The following MINAR2 variants were observed in gnomAD, a reference collection of about 807,000 sequenced individuals.
MINAR2 encodes the protein membrane integral NOTCH2 associated receptor 2.
MINAR2 carries 21 observed loss-of-function variants against 16.1 expected under a neutral mutation model. The observed-to-expected ratio is 1.31, with a 90% CI of 0.93 to 1.88. MINAR2 has a LOEUF of 1.88. Among genes scored for constraint, MINAR2 ranks in the 40% most tolerant of loss-of-function variants. The probability of loss-of-function intolerance (pLI) is 0.00; values close to 1 mark genes in which losing one functional copy is unlikely to be tolerated. For synonymous variants in MINAR2, 86 were observed against 83.0 expected (o/e 1.04, Z -0.20); for missense variants, 259 against 229.8 (o/e 1.13, Z -0.82).
chr5:129,762,590 T>A, intron 2 of MINAR2: 1 of 343,660 alleles, frequency 2.9e-6, no homozygotes, highest in South Asian at 3.1e-5. Flanking sequence ...ATCATCACCA[T>A]TGCCAGCAGC....
intron 1 of MINAR2, among the ~76,000 whole-genome samples, chr5:129,750,644 C>G (rs1324355585): frequency 6.6e-6 from 1 of 152,052 alleles, no homozygotes; most frequent in Non-Finnish European, 1.5e-5. Flanking sequence ...TATAAAAGAT[C>G]AAGAATATGT....
chr5:129,758,190 A>G (rs1758079776), intron 1 of MINAR2, among the ~76,000 whole-genome samples: 1 of 152,004 alleles, frequency 6.6e-6, no homozygotes, highest in Non-Finnish European at 1.5e-5. Context: ...GTGCCCAAGT[A>G]ATTAAAATAG....
intron 2 of MINAR2, among the ~76,000 whole-genome samples, chr5:129,764,487 T>C (rs1445282516): frequency 2.0e-5 from 3 of 152,164 alleles, no homozygotes; most frequent in Non-Finnish European, 4.4e-5. Flanking sequence ...GAATTTTCAT[T>C]TTATTTCAAC....
rs542965340 is a variant in MINAR2 at position 129,766,281 on chromosome 5, C to T, written c.*1218C>T. 1.3e-5 allele frequency: 2 copies of T among 152,302 alleles called. No individual in the cohort carries two copies. Among genetic ancestry groups the T allele is most frequent in the South Asian group, 2.1e-4 (1 of 4,822 alleles). The allele number at this position is 152,302 out of a possible 1,614,324, so 9.4% of individuals were successfully genotyped here. A position where few individuals can be genotyped will look rare whatever the true frequency, so the allele number is the denominator to read the frequency against. On this transcript the variant is annotated 3_prime_UTR_variant, in exon 3 of 3. Coordinates refer to ENST00000564719, the MANE Select transcript of MINAR2 (RefSeq NM_001257308.2). ...CATGAGCCTAAAGTCAGATTTTGTC[C>T]CTTGATATTGCCATATCATTTTGTT... is the stretch of plus-strand genomic sequence containing the variant.
intron 1 of MINAR2, among the ~76,000 whole-genome samples, chr5:129,757,413 T>C (rs1392532040): frequency 6.6e-6 from 1 of 152,054 alleles, no homozygotes; most frequent in African/African-American, 2.4e-5. Context: ...TCTAATTCTT[T>C]CTGAATCTTT....
Position 129,764,955 on chromosome 5 carries a change from G to A in MINAR2, c.465G>A (p.Lys155=). The A allele has an allele frequency of 7.1e-7, 1 of 1,405,508 alleles. No individual in the cohort carries two copies. Among genetic ancestry groups the A allele is most frequent in the Non-Finnish European group, 9.3e-7 (1 of 1,079,506 alleles). 87.1% of individuals were successfully genotyped at this position (1,405,508 alleles called of 1,614,324 possible). ...YTPGFDTLLK[K]EEKQEKHSKF... is the part of the protein sequence containing the mutation. ...CAGGTTTTGACACTTTATTGAAAAAGGAAGAGAAACAAGAGAAGCATTCAA... is the reference window on the plus strand; with the variant it reads ...CAGGTTTTGACACTTTATTGAAAAAAGAAGAGAAACAAGAGAAGCATTCAA... Residue 155 remains lysine (K), a synonymous_variant, in exon 3 of 3, where the codon AAG becomes AAA. Coordinates refer to ENST00000564719, the MANE Select transcript of MINAR2 (RefSeq NM_001257308.2).
rs1172690094 is a variant in MINAR2 at position 129,765,010 on chromosome 5, G to C, written c.520G>C (p.Val174Leu). 3.0e-6 allele frequency: 4 copies of C among 1,349,994 alleles called. No individual in the cohort carries two copies. The highest frequency in any genetic ancestry group is 2.9e-6 in the Non-Finnish European group (3 of 1,050,424). 83.6% of individuals were successfully genotyped at this position (1,349,994 alleles called of 1,614,324 possible). Residue 174 changes from valine (V) to leucine (L), a missense_variant, in exon 3 of 3, where the codon GTC becomes CTC. Physicochemically the swap from Val to Leu is conservative, Grantham distance 32 (BLOSUM62 1). Transcript: ENST00000564719. ...KFCRMGLILL[V>L]VISILVTIVT... Reference sequence around the variant, plus strand: ...CTGTCGTATGGGTCTGATTTTACTTGTCGTTATCTCCATCTTGGTTACCAT... The same window carrying C: ...CTGTCGTATGGGTCTGATTTTACTTCTCGTTATCTCCATCTTGGTTACCAT...
At chr5:129,761,933 G>C (rs1200007559) in intron 2 of MINAR2, among the ~76,000 whole-genome samples, 1 of 152,020 alleles carries the variant, frequency 6.6e-6, no homozygotes, top group Non-Finnish European at 1.5e-5. Context: ...GTGCCATGCA[G>C]TGTTCTAACT....
In MINAR2 at chr5:129,766,216, A is replaced by G. The variant is rs963521148; in HGVS notation, c.*1153A>G. On this transcript the variant is annotated 3_prime_UTR_variant, in exon 3 of 3. Coordinates refer to ENST00000564719, the MANE Select transcript of MINAR2 (RefSeq NM_001257308.2). ...TCTTTAAACAACCCAGCCAAAGGCT[A>G]TCTTATGCAAGAAACAAAAGAGGGA... 3 of 152,254 alleles carry G rather than the reference A, an allele frequency of 2.0e-5. No homozygotes were observed. Among genetic ancestry groups the G allele is most frequent in the Non-Finnish European group, 4.4e-5 (3 of 68,046 alleles). 9.4% of individuals were successfully genotyped at this position (152,254 alleles called of 1,614,324 possible). A position where few individuals can be genotyped will look rare whatever the true frequency, so the allele number is the denominator to read the frequency against.
intron 1 of MINAR2, among the ~76,000 whole-genome samples, chr5:129,755,523 T>TA (rs199763359): frequency 2.8e-3 from 177 of 62,826 alleles, no homozygotes; most frequent in African/African-American, 0.01. Context: ...ACAGGTTTGT[T>TA]AATTTTTTTT....
rs1416238487 is a variant in MINAR2 at position 129,766,654 on chromosome 5, AAAC to A, written c.*1594_*1596del. ...TTCCATAAAAAAAAAAAAAAAAAAA[AAAC>A]AAACAAACAAACAAAAAAAACCCCA... On this transcript the variant is annotated 3_prime_UTR_variant, in exon 3 of 3. Transcript: ENST00000564719. The A allele has an allele frequency of 3.5e-5, 3 of 85,200 alleles. No homozygotes were observed. The highest frequency in any genetic ancestry group is 1.5e-4 in the African/African-American group (3 of 19,550). 5.3% of individuals were successfully genotyped at this position (85,200 alleles called of 1,614,324 possible).
chr5:129,757,100 A>C (rs1205612013), intron 1 of MINAR2, among the ~76,000 whole-genome samples: 1 of 151,194 alleles, frequency 6.6e-6, no homozygotes, highest in Non-Finnish European at 1.5e-5. Context: ...ACATATGTAT[A>C]ATCATCTTCT....
At position 129,748,226 on chromosome 5, in the gene MINAR2, T is replaced by G; in HGVS notation, c.36T>G (p.Pro12=). Reference sequence around the variant, plus strand: ...CTGTTTTGCCAAATAACAACCATCCTGACAAATTCCTGCAGCTTGACGTAA... The same window carrying G: ...CTGTTTTGCCAAATAACAACCATCCGGACAAATTCCTGCAGCTTGACGTAA... ...DLSVLPNNNH[P]DKFLQLDVKS... is the part of the protein sequence containing the mutation. The change falls in exon 1 of 3, where the codon CCT becomes CCG. Residue 12 remains proline (P), a synonymous_variant. Coordinates refer to ENST00000564719, the MANE Select transcript of MINAR2 (RefSeq NM_001257308.2). The G allele has an allele frequency of 6.5e-7, 1 of 1,535,198 alleles. No homozygotes were observed. Among genetic ancestry groups the G allele is most frequent in the Non-Finnish European group, 8.7e-7 (1 of 1,146,546 alleles).
At position 129,748,183 on chromosome 5, in the gene MINAR2, A is replaced by G. The variant is rs1231539143; in HGVS notation, c.-8A>G. The G allele has an allele frequency of 6.5e-7, 1 of 1,534,540 alleles. No individual in the cohort carries two copies. The highest frequency in any genetic ancestry group is 2.0e-5 in the Admixed American group (1 of 50,952). The stretch of plus-strand genomic sequence containing the variant: ...TGTCTTTGTTTTCCACTGTAGGTGA[A>G]GGGAGACATGGATCTCTCTGTTTTG... On this transcript the variant is annotated 5_prime_UTR_variant, in exon 1 of 3. Coordinates refer to ENST00000564719, the MANE Select transcript of MINAR2 (RefSeq NM_001257308.2).
chr5:129,762,212 A>G (rs1758145671), intron 2 of MINAR2, among the ~76,000 whole-genome samples: 1 of 152,164 alleles, frequency 6.6e-6, no homozygotes, highest in African/African-American at 2.4e-5. Flanking sequence ...CTCAAGATAC[A>G]CTTTACCTAT....
chr5:129,760,654 CAAAT>C (rs1226184096), intron 2 of MINAR2, 49 bp downstream of exon 2: 4 of 1,331,182 alleles, frequency 3.0e-6, no homozygotes, highest in Non-Finnish European at 4.1e-6. Context: ...GGAGATCAGT[CAAAT>C]AATCCTAAAA....
chr5:129,751,538 A>G (rs947055091), intron 1 of MINAR2, among the ~76,000 whole-genome samples: 2 of 152,314 alleles, frequency 1.3e-5, no homozygotes, highest in African/African-American at 2.4e-5. Context: ...TGATGGTCTC[A>G]GTTGATTCAG....
rs990078399 is a variant in MINAR2, at chr5:129,766,473, T to C, written c.*1410T>C. 6.6e-6 allele frequency: 1 copy of C among 151,956 alleles called. No individual in the cohort carries two copies. The highest frequency in any genetic ancestry group is 6.5e-5 in the Admixed American group (1 of 15,270). The allele number at this position is 151,956 out of a possible 1,614,324, so 9.4% of individuals were successfully genotyped here. On this transcript the variant is annotated 3_prime_UTR_variant, in exon 3 of 3. Transcript: ENST00000564719. ...CAACATAGTGAAACCCCGTCTCTAT[T>C]AAAAATACAAAAATTAGCCGGGGCT...
At chr5:129,762,370 T>G (rs1203962398) in intron 2 of MINAR2, 1 of 173,048 alleles carries the variant, frequency 5.8e-6, no homozygotes, top group East Asian at 1.8e-4. Context: ...CATTGTTTGC[T>G]GATTTTCATT....
Sources: gnomAD v4.1 joint callset for allele counts (sites outside exome capture counted in the v4.1 genomes callset) on GRCh38, gnomAD v4.1.1 for gene constraint, MANE v1.5 for transcripts, NCBI Gene and HGNC (gene_info 2026-07-23, HGNC 2026-07-21) for gene names.